The following SH3BGR variants were observed in gnomAD, a reference collection of about 807,000 sequenced individuals.
SH3BGR encodes SH3 domain-binding glutamic acid-rich protein.
Under a neutral mutation model 24.5 loss-of-function variants are expected in SH3BGR, and 29 were observed. The ratio of observed to expected loss-of-function variants is 1.18; its 90% CI spans 0.88 to 1.61. The LOEUF (loss-of-function observed/expected upper bound fraction) is 1.61, where lower values mean the gene tolerates loss of function less well. Ranked by LOEUF, SH3BGR falls within the 40% of genes most tolerant of loss-of-function variation. The pLI, the probability that SH3BGR is intolerant of heterozygous loss-of-function variation, is 0.00. For missense variants in SH3BGR, 162 were observed against 205.8 expected, an observed-to-expected ratio of 0.79 and a Z score of 1.30; for synonymous variants, 55 against 65.7, an observed-to-expected ratio of 0.84 and a Z score of 0.79.
chr21:39,496,519 A>AG (rs1268103481), intron 3 of SH3BGR, among the ~76,000 whole-genome samples: 2 of 151,948 alleles, frequency 1.3e-5, no homozygotes, highest in Admixed American at 6.5e-5. Flanking sequence ...AAAAAAAAAA[A>AG]AAAAAAAAAA....
At position 39,475,172 on chromosome 21, in the gene SH3BGR, T is replaced by C; in HGVS notation, c.269T>C (p.Ile90Thr). 6.2e-7 allele frequency: 1 copy of C among 1,612,440 alleles called. No homozygotes were observed. The highest frequency in any genetic ancestry group is 8.5e-7 in the Non-Finnish European group (1 of 1,178,744). Reference sequence around the variant, plus strand: ...TTCTTCTCTGCAAAAGAAGAGAATATTATTTATTCCTTCCTTGGTTTGGCT... The same window carrying C: ...TTCTTCTCTGCAAAAGAAGAGAATACTATTTATTCCTTCCTTGGTTTGGCT... ...DSFFSAKEEN[I>T]IYSFLGLAPP... Residue 90 changes from isoleucine (I) to threonine (T), a missense_variant, in exon 3 of 7, where the codon ATT becomes ACT. Ile to Thr is a moderately conservative substitution (Grantham distance 89, BLOSUM62 -1). Transcript: ENST00000333634.
At chr21:39,510,808 G>A (rs1280336432) in intron 5 of SH3BGR, among the ~76,000 whole-genome samples, 1 of 149,708 alleles carries the variant, frequency 6.7e-6, no homozygotes, top group Non-Finnish European at 1.5e-5. Context: ...TTTGCTTCAA[G>A]AAATTAGCTT....
chr21:39,475,639 A>C (rs1248286032), intron 3 of SH3BGR, among the ~76,000 whole-genome samples: 1 of 152,190 alleles, frequency 6.6e-6, no homozygotes, highest in Non-Finnish European at 1.5e-5. Flanking sequence ...AAATGAACCA[A>C]ACTACATTTT....
chr21:39,509,726 C>T (rs190745861), intron 5 of SH3BGR, among the ~76,000 whole-genome samples: 930 of 152,046 alleles, frequency 6.1e-3, no homozygotes, highest in Middle Eastern at 0.017. Context: ...CCACCCACCT[C>T]GGCCTCCCAA....
chr21:39,498,643 C>G (rs2078437902), intron 3 of SH3BGR, among the ~76,000 whole-genome samples: 1 of 152,154 alleles, frequency 6.6e-6, no homozygotes, highest in Non-Finnish European at 1.5e-5. Context: ...CGTCCCTTCC[C>G]AATGGTGATG....
chr21:39,504,128 C>T lies in SH3BGR; in HGVS notation c.405+4213C>T, dbSNP rs571007752. On this transcript the variant is annotated intron_variant, in intron 4 of 6. Transcript: ENST00000333634. ...AGGTACAATTATTTAAAATTGTATG[C>T]TTTGTGAACCCAGTCATCCTATCTG... 4.3e-4 allele frequency among the ~76,000 whole-genome samples: 65 copies of T among 152,302 alleles called. 1 individual carries two copies. Among genetic ancestry groups the T allele is most frequent in the Admixed American group, 3.3e-4 (5 of 15,298 alleles).
intron 3 of SH3BGR, among the ~76,000 whole-genome samples, chr21:39,483,632 A>C (rs980095889): frequency 6.6e-6 from 1 of 152,238 alleles, no homozygotes; most frequent in Admixed American, 6.5e-5. Flanking sequence ...CAGCTATAAA[A>C]TGAAGAGAGA....
At chr21:39,469,741 C>T (rs1033725817) in intron 2 of SH3BGR, among the ~76,000 whole-genome samples, 2 of 151,918 alleles carry the variant, frequency 1.3e-5, no homozygotes, top group East Asian at 1.9e-4. Context: ...GCAACCTCTG[C>T]CTCCCGAGTT....
At position 39,501,515 on chromosome 21, in the gene SH3BGR, G is replaced by A. The variant is rs189693517; in HGVS notation, c.405+1600G>A. ...TGTGGGCTATGGTGAAGAAATGACC[G>A]TAAGTGAAAAATATTTTTATTTTAT... On this transcript the variant is annotated intron_variant, in intron 4 of 6. Coordinates refer to ENST00000333634, the MANE Select transcript of SH3BGR (RefSeq NM_007341.3). Among the ~76,000 whole-genome samples, 461 of 152,230 alleles carry A rather than the reference G, an allele frequency of 3.0e-3. 3 individuals are homozygous for A. The highest frequency in any genetic ancestry group is 0.011 in the African/African-American group (440 of 41,532).
intron 3 of SH3BGR, among the ~76,000 whole-genome samples, chr21:39,477,911 T>C (rs2078054020): frequency 6.6e-6 from 1 of 152,236 alleles, no homozygotes; most frequent in Non-Finnish European, 1.5e-5. Context: ...ATGTACAATG[T>C]GATGTTGTGA....
chr21:39,457,314 C>A (rs1319351037), intron 1 of SH3BGR, among the ~76,000 whole-genome samples: 2 of 139,886 alleles, frequency 1.4e-5, no homozygotes, highest in Non-Finnish European at 3.1e-5. Context: ...ATATATAAAT[C>A]TTATTATATA....
chr21:39,512,178 C>T (rs2078706883), intron 6 of SH3BGR, among the ~76,000 whole-genome samples: 1 of 152,174 alleles, frequency 6.6e-6, no homozygotes, highest in Admixed American at 6.5e-5. Flanking sequence ...CATTCTGTAA[C>T]CTCAACTCCT....
At chr21:39,457,458 A>C in intron 1 of SH3BGR, among the ~76,000 whole-genome samples, 1 of 136,098 alleles carries the variant, frequency 7.3e-6, no homozygotes, top group South Asian at 2.3e-4. Context: ...CTTATGTATA[A>C]GATTATATAT....
At chr21:39,475,756 TAG>T (rs1042220059) in intron 3 of SH3BGR, among the ~76,000 whole-genome samples, 5 of 152,208 alleles carry the variant, frequency 3.3e-5, no homozygotes, top group Non-Finnish European at 7.3e-5. Flanking sequence ...TATAATTAAA[TAG>T]AGAGTTATGC....
chr21:39,485,897 C>T lies in SH3BGR; in HGVS notation c.312+10682C>T, dbSNP rs561017935. 2.7e-3 allele frequency among the ~76,000 whole-genome samples: 416 copies of T among 151,966 alleles called. 4 individuals carry two copies. The highest frequency in any genetic ancestry group is 5.0e-3 in the Non-Finnish European group (343 of 67,942). On this transcript the variant is annotated intron_variant, in intron 3 of 6. Coordinates refer to ENST00000333634, the MANE Select transcript of SH3BGR (RefSeq NM_007341.3). ...TAGAGACGGGGTTTCACTGTGTTAG[C>T]CAGGATGGTCTCGATCTCCTGACCT...
intron 6 of SH3BGR, among the ~76,000 whole-genome samples, chr21:39,514,740 C>T (rs1215794928): frequency 2.6e-5 from 4 of 152,210 alleles, no homozygotes; most frequent in African/African-American, 9.7e-5. Context: ...CAAAGCTTGC[C>T]ACTTAATACC....
chr21:39,507,840 T>C (rs1236657478), intron 4 of SH3BGR, among the ~76,000 whole-genome samples: 1 of 151,984 alleles, frequency 6.6e-6, no homozygotes, highest in East Asian at 1.9e-4. Context: ...AGGCTGGTCT[T>C]GAACTCCTGG....
intron 4 of SH3BGR, among the ~76,000 whole-genome samples, chr21:39,502,399 C>G (rs2078509738): frequency 6.6e-6 from 1 of 152,142 alleles, no homozygotes; most frequent in African/African-American, 2.4e-5. Flanking sequence ...CCGTTGAAAC[C>G]ATCTTGAGGC....
chr21:39,460,662 G>A (rs1025504227), intron 1 of SH3BGR, among the ~76,000 whole-genome samples: 3 of 152,066 alleles, frequency 2.0e-5, no homozygotes, highest in African/African-American at 7.2e-5. Flanking sequence ...TAGAGATGGG[G>A]TTTCACCATG....
Sources: allele counts gnomAD v4.1 joint callset (sites outside exome capture counted in the v4.1 genomes callset), GRCh38; gene constraint gnomAD v4.1.1; transcripts MANE v1.5; gene names NCBI Gene and HGNC (gene_info 2026-07-23, HGNC 2026-07-21).